EYS: variants seen among roughly 807,000 people sequenced by gnomAD.
The protein encoded by EYS is EGF-like photoreceptor maintenance factor.
Under a neutral mutation model 282.1 loss-of-function variants are expected in EYS, and 250 were observed. The observed-to-expected ratio is 0.89, with a 90% CI of 0.80 to 0.98. The LOEUF (loss-of-function observed/expected upper bound fraction) is 0.98. EYS is among the 50% of genes least tolerant of loss of function. The pLI is 0.00. For synonymous variants in EYS, 1,355 were observed against 1,282.9 expected, an observed-to-expected ratio of 1.06 and a Z score of -1.20; for missense variants, 4,016 against 3,709.0, an observed-to-expected ratio of 1.08 and a Z score of -2.15.
chr6:64,142,478 A>G (rs1774368546), intron 31 of EYS, among the ~76,000 whole-genome samples: 1 of 152,158 alleles, frequency 6.6e-6, no homozygotes, highest in South Asian at 2.1e-4. Flanking sequence ...TAAGCAATGC[A>G]GTGCCTCTAA....
At chr6:64,277,774 GTGTT>G (rs1768165185) in intron 30 of EYS, among the ~76,000 whole-genome samples, 2 of 152,102 alleles carry the variant, frequency 1.3e-5, no homozygotes, top group South Asian at 4.1e-4. Flanking sequence ...GAGAAACAAA[GTGTT>G]TGGATAGGCT....
intron 22 of EYS, among the ~76,000 whole-genome samples, chr6:64,669,766 C>T (rs2149895062): frequency 6.6e-6 from 1 of 152,188 alleles, no homozygotes; most frequent in South Asian, 2.1e-4. Flanking sequence ...TGAAAGGCAA[C>T]TTTAGAATCA....
chr6:63,796,664 C>T (rs1770652319), intron 37 of EYS, among the ~76,000 whole-genome samples: 1 of 152,082 alleles, frequency 6.6e-6, no homozygotes, highest in South Asian at 2.1e-4. Flanking sequence ...TTGCAGAGTT[C>T]AGCAAAGTCC....
At chr6:64,273,114 A>G (rs1307801594) in intron 30 of EYS, among the ~76,000 whole-genome samples, 2 of 152,156 alleles carry the variant, frequency 1.3e-5, no homozygotes, top group Non-Finnish European at 2.9e-5. Context: ...ACCATGATGA[A>G]TGGAAGTGGT....
intron 19 of EYS, among the ~76,000 whole-genome samples, chr6:64,848,012 G>A (rs1031102477): frequency 1.2e-4 from 18 of 152,038 alleles, no homozygotes; most frequent in Admixed American, 5.9e-4. Flanking sequence ...TCCTAATACA[G>A]TAGTATAGAT....
chr6:65,500,113 A>G (rs1766396230), intron 2 of EYS, among the ~76,000 whole-genome samples: 1 of 151,964 alleles, frequency 6.6e-6, no homozygotes, highest in Non-Finnish European at 1.5e-5. Flanking sequence ...TATTGACCTG[A>G]CTCCAAAACA....
chr6:64,783,607 G>A (rs891928781), intron 22 of EYS, among the ~76,000 whole-genome samples: 2 of 151,974 alleles, frequency 1.3e-5, no homozygotes, highest in African/African-American at 4.8e-5. Flanking sequence ...ATTGTAAAAT[G>A]TGTCCTATGT....
intron 37 of EYS, among the ~76,000 whole-genome samples, chr6:63,793,677 A>C (rs1169154765): frequency 6.6e-6 from 1 of 152,206 alleles, no homozygotes; most frequent in African/African-American, 2.4e-5. Context: ...ATCAGTGAAG[A>C]AAGAAAAATG....
chr6:63,849,941 G>C, intron 36 of EYS, among the ~76,000 whole-genome samples: 1 of 152,140 alleles, frequency 6.6e-6, no homozygotes, highest in East Asian at 1.9e-4. Context: ...AATGGTTAGA[G>C]GAATTGCTAA....
chr6:64,104,602 T>G (rs574318892), intron 31 of EYS, among the ~76,000 whole-genome samples: 1 of 151,948 alleles, frequency 6.6e-6, no homozygotes, highest in African/African-American at 2.4e-5. Flanking sequence ...AAGGGGTGTC[T>G]TACTATAGTA....
intron 12 of EYS, among the ~76,000 whole-genome samples, chr6:65,203,085 A>T (rs1765943519): frequency 6.6e-6 from 1 of 152,156 alleles, no homozygotes; most frequent in Non-Finnish European, 1.5e-5. Flanking sequence ...CATCACCAGA[A>T]ATATCCCAGT....
intron 35 of EYS, among the ~76,000 whole-genome samples, chr6:63,963,369 A>G (rs919025721): frequency 6.6e-6 from 1 of 152,218 alleles, no homozygotes; most frequent in African/African-American, 2.4e-5. Flanking sequence ...TTAAAAAAGG[A>G]CTAAAAAAAG....
At chr6:65,221,264 C>T (rs1289427977) in intron 12 of EYS, among the ~76,000 whole-genome samples, 3 of 152,082 alleles carry the variant, frequency 2.0e-5, no homozygotes, top group African/African-American at 7.2e-5. Context: ...GGGGAAAATG[C>T]CTTCAGGGCA....
chr6:63,926,770 G>A (rs1183695594), intron 35 of EYS, among the ~76,000 whole-genome samples: 3 of 152,124 alleles, frequency 2.0e-5, no homozygotes, highest in Non-Finnish European at 4.4e-5. Flanking sequence ...GAAGTTCTCA[G>A]TACTTAAAAC....
chr6:65,306,042 C>T (rs1441506350), intron 11 of EYS, among the ~76,000 whole-genome samples: 3 of 152,114 alleles, frequency 2.0e-5, no homozygotes, highest in Admixed American at 6.5e-5. Flanking sequence ...TTCATATCAC[C>T]TCAAGGTTTA....
chr6:65,374,977 T>C (rs182040440), intron 8 of EYS, among the ~76,000 whole-genome samples: 28 of 152,300 alleles, frequency 1.8e-4, no homozygotes, highest in African/African-American at 6.5e-4. Flanking sequence ...TAAGCATTCC[T>C]GCCTGTCAGC....
At chr6:65,115,738 G>A (rs951302685) in intron 12 of EYS, among the ~76,000 whole-genome samples, 1 of 151,846 alleles carries the variant, frequency 6.6e-6, no homozygotes, top group Non-Finnish European at 1.5e-5. Flanking sequence ...ATTATCCACC[G>A]GAGGCCATCC....
intron 36 of EYS, among the ~76,000 whole-genome samples, chr6:63,833,909 G>T (rs1014477758): frequency 6.6e-6 from 1 of 151,898 alleles, no homozygotes; most frequent in African/African-American, 2.4e-5. Context: ...AATACCACAC[G>T]TCCACAACCA....
At chr6:64,640,011 A>G (rs1281342593) in intron 22 of EYS, among the ~76,000 whole-genome samples, 2 of 139,028 alleles carry the variant, frequency 1.4e-5, no homozygotes, top group East Asian at 4.1e-4. Context: ...CGAAACCACA[A>G]TGAGATACCA....
Sources: allele counts gnomAD v4.1 joint callset (sites outside exome capture counted in the v4.1 genomes callset), GRCh38; gene constraint gnomAD v4.1.1; transcripts MANE v1.5; gene names NCBI Gene and HGNC (gene_info 2026-07-23, HGNC 2026-07-21).